Variants in FAM227A observed in about 807,000 individuals in gnomAD.
FAM227A encodes family with sequence similarity 227 member A.
A neutral mutation model predicts 74.7 loss-of-function variants in FAM227A; 80 were observed. The ratio of observed to expected loss-of-function variants is 1.07; its 90% CI spans 0.89 to 1.29. The LOEUF is 1.29. Among genes scored for constraint, FAM227A ranks in the 50% most tolerant of loss-of-function variants. The pLI, the probability that FAM227A is intolerant of heterozygous loss-of-function variation, is 0.00. For missense variants in FAM227A, 654 were observed against 683.4 expected (o/e 0.96, Z 0.48); for synonymous variants, 237 against 241.8 (o/e 0.98, Z 0.19).
chr22:38,644,089 T>C (rs1159795026), intron 3 of FAM227A, among the ~76,000 whole-genome samples: 1 of 133,866 alleles, frequency 7.5e-6, no homozygotes, highest in Non-Finnish European at 1.5e-5. Context: ...GAGCTTGCAG[T>C]GAGCCGAGAT....
At chr22:38,593,777 G>T (rs896395110) in intron 15 of FAM227A, among the ~76,000 whole-genome samples, 1 of 152,076 alleles carries the variant, frequency 6.6e-6, no homozygotes, top group Non-Finnish European at 1.5e-5. Flanking sequence ...CGCAACTTCT[G>T]CCTCCCAGGC....
Position 38,599,773 on chromosome 22 carries a change from G to A in FAM227A, c.1370C>T (p.Thr457Met), listed in dbSNP as rs764401267. 87 of 1,551,056 alleles carry A rather than the reference G, an allele frequency of 5.6e-5. 2 individuals carry two copies. The highest frequency in any genetic ancestry group is 3.2e-4 in the South Asian group (27 of 83,980). Residue 457 changes from threonine to methionine, a missense_variant, in exon 14 of 17, where the codon ACG becomes ATG. Coordinates refer to ENST00000535113, the MANE Select transcript of FAM227A (RefSeq NM_001013647.2). ...NVLIVRREKT[T>M]STPDCTPTYT... Reference sequence around the variant, plus strand: ...ACAGTGACAAGGATATGGGGTGCTCGTGGTCTTTTCCCTTCTGACTATCAA... The same window carrying A: ...ACAGTGACAAGGATATGGGGTGCTCATGGTCTTTTCCCTTCTGACTATCAA...
chr22:38,622,235 C>A (rs1204234769), intron 10 of FAM227A, among the ~76,000 whole-genome samples: 1 of 152,372 alleles, frequency 6.6e-6, no homozygotes, highest in East Asian at 1.9e-4. Flanking sequence ...TATGGGGTAG[C>A]CCTGCTCTGC....
chr22:38,649,879 AGAAAG>A (rs143131237), intron 2 of FAM227A, 143 bp downstream of exon 2: 142,721 of 664,870 alleles, frequency 0.21, 9,598 homozygotes, highest in East Asian at 0.25. Context: ...AAAAAAAAAA[AGAAAG>A]AAAAGAAAAG....
At chr22:38,605,901 A>G (rs2091273041) in intron 12 of FAM227A, among the ~76,000 whole-genome samples, 1 of 152,234 alleles carries the variant, frequency 6.6e-6, no homozygotes, top group African/African-American at 2.4e-5. Context: ...CAAAAAAATA[A>G]TAAAGTTTAA....
chr22:38,599,253 G>A (rs2091118344), intron 14 of FAM227A, among the ~76,000 whole-genome samples: 1 of 152,006 alleles, frequency 6.6e-6, no homozygotes, highest in Non-Finnish European at 1.5e-5. Flanking sequence ...GAGCTACCAC[G>A]CCTGGCCAAC....
At chr22:38,633,951 G>A (rs2091957332) in intron 6 of FAM227A, among the ~76,000 whole-genome samples, 1 of 152,002 alleles carries the variant, frequency 6.6e-6, no homozygotes, top group Admixed American at 6.6e-5. Flanking sequence ...AGGTGTGGTG[G>A]CTCACACCTG....
At chr22:38,654,438 T>C (rs2092362416) in intron 1 of FAM227A, among the ~76,000 whole-genome samples, 1 of 151,990 alleles carries the variant, frequency 6.6e-6, no homozygotes, top group Non-Finnish European at 1.5e-5. Context: ...AGGTAGGAAG[T>C]GCCCAGACTG....
rs17826889 is a variant in FAM227A at position 38,583,115 on chromosome 22, C to G, written c.*3010G>C. 1 of 685,658 alleles carries G rather than the reference C, an allele frequency of 1.5e-6. No individual in the cohort carries two copies. Among genetic ancestry groups the G allele is most frequent in the African/African-American group, 1.8e-5 (1 of 55,250 alleles). The allele number at this position is 685,658 out of a possible 1,614,324, so 42.5% of individuals were successfully genotyped here. A position where few individuals can be genotyped will look rare whatever the true frequency, so the allele number is the denominator to read the frequency against. ...GAGAGAGTGTTCTGCTTATCTGCCC[C>G]ACATGGTGCCTTGTACTCGGCAGGT... On this transcript the variant is annotated 3_prime_UTR_variant, in exon 17 of 17. Coordinates refer to ENST00000535113, the MANE Select transcript of FAM227A (RefSeq NM_001013647.2).
chr22:38,592,197 T>G (rs1198067623), intron 15 of FAM227A, among the ~76,000 whole-genome samples: 2 of 152,054 alleles, frequency 1.3e-5, no homozygotes, highest in Non-Finnish European at 2.9e-5. Context: ...TCCGCCCACC[T>G]CGGCCTCCCC....
chr22:38,586,176 C>G lies in FAM227A; in HGVS notation c.1662G>C (p.Lys554Asn). Residue 554 changes from lysine (K) to asparagine (N), a missense_variant, in exon 17 of 17, where the codon AAG (lysine) becomes AAC (asparagine). Lys to Asn is a moderately conservative substitution (Grantham distance 94, BLOSUM62 0). Transcript: ENST00000535113. ...KTKEGKGGEG[K>N]RRETEVEHFF... ...AATGTTCAACTTCTGTTTCTCTTCT[C>G]TTTCCCTCTCCTCCTTTCCCCTCCT... 1.3e-6 allele frequency: 2 copies of G among 1,551,806 alleles called. No individual in the cohort carries two copies. Among genetic ancestry groups the G allele is most frequent in the Non-Finnish European group, 8.7e-7 (1 of 1,147,008 alleles).
At position 38,650,218 on chromosome 22, in the gene FAM227A, C is replaced by G; in HGVS notation, c.-50G>C. 1.4e-5 allele frequency: 21 copies of G among 1,522,678 alleles called. No homozygotes were observed. The highest frequency in any genetic ancestry group is 1.9e-5 in the Non-Finnish European group (21 of 1,123,324). 94.3% of individuals were successfully genotyped at this position (1,522,678 alleles called of 1,614,324 possible). A position where few individuals can be genotyped will look rare whatever the true frequency, so the allele number is the denominator to read the frequency against. On this transcript the variant is annotated 5_prime_UTR_variant, in exon 2 of 17. Coordinates refer to ENST00000535113, the MANE Select transcript of FAM227A (RefSeq NM_001013647.2). ...AACAAAAAGCTTCCACTTTTAAGAG[C>G]CTCTCATTTCCCACTCCAATCTTGT...
At chr22:38,588,479 C>T (rs368968478) in intron 16 of FAM227A, among the ~76,000 whole-genome samples, 7 of 150,850 alleles carry the variant, frequency 4.6e-5, no homozygotes, top group African/African-American at 1.5e-4. Flanking sequence ...ATTAGCCGGG[C>T]GTGGTGGTGC....
Position 38,597,375 on chromosome 22 carries a change from G to A in FAM227A, c.1380-19C>T. 1 of 1,551,388 alleles carries A rather than the reference G, an allele frequency of 6.4e-7. No homozygotes were observed. The highest frequency in any genetic ancestry group is 1.2e-5 in the South Asian group (1 of 84,044). ...GCAGTCAGTGGCTTCCGCTGTCAAG[G>A]AAATCCCCGTACTGTGGAACTGTGT... On this transcript the variant is annotated intron_variant, in intron 14 of 16. Coordinates refer to ENST00000535113, the MANE Select transcript of FAM227A (RefSeq NM_001013647.2).
intron 11 of FAM227A, among the ~76,000 whole-genome samples, chr22:38,611,927 C>T (rs2091421158): frequency 6.6e-6 from 1 of 152,178 alleles, no homozygotes; most frequent in Non-Finnish European, 1.5e-5. Context: ...AAACCCTACG[C>T]TGTCCATCTC....
rs1161577286 is a variant in FAM227A, at chr22:38,579,123, C to T, written c.*7002G>A. 1 of 152,164 alleles carries T rather than the reference C, an allele frequency of 6.6e-6. No homozygotes were observed. The highest frequency in any genetic ancestry group is 1.5e-5 in the Non-Finnish European group (1 of 68,040). 9.4% of individuals were successfully genotyped at this position (152,164 alleles called of 1,614,324 possible). On this transcript the variant is annotated 3_prime_UTR_variant, in exon 17 of 17. Coordinates refer to ENST00000535113, the MANE Select transcript of FAM227A (RefSeq NM_001013647.2). The stretch of plus-strand genomic sequence containing the variant: ...CCACTATATGGCAGGCTTGTATATT[C>T]ATATCTTGACTTTATTTTCCTGTCA...
chr22:38,649,785 T>C (rs1298693237), intron 2 of FAM227A, among the ~76,000 whole-genome samples: 1 of 150,728 alleles, frequency 6.6e-6, no homozygotes, highest in Non-Finnish European at 1.5e-5. Context: ...GGAGAACTGC[T>C]CGAACCTGGG....
In FAM227A at chr22:38,650,204, T is replaced by C; in HGVS notation, c.-36A>G. ...CTTGTAAATGGACAAACAAAAAGCT[T>C]CCACTTTTAAGAGCCTCTCATTTCC... On this transcript the variant is annotated 5_prime_UTR_variant, in exon 2 of 17. Coordinates refer to ENST00000535113, the MANE Select transcript of FAM227A (RefSeq NM_001013647.2). 6.5e-7 allele frequency: 1 copy of C among 1,548,454 alleles called. No individual in the cohort carries two copies. The highest frequency in any genetic ancestry group is 2.4e-5 in the East Asian group (1 of 40,886).
At position 38,580,507 on chromosome 22, in the gene FAM227A, G is replaced by A. The variant is rs1454729287; in HGVS notation, c.*5618C>T. The A allele has an allele frequency of 6.6e-6, 1 of 151,896 alleles. No individual in the cohort carries two copies. Among genetic ancestry groups the A allele is most frequent in the African/African-American group, 2.4e-5 (1 of 41,200 alleles). The allele number at this position is 151,896 out of a possible 1,614,324, so 9.4% of individuals were successfully genotyped here. Reference sequence around the variant, plus strand: ...GTCTAGTATCAAAAGGCATTTAATAGCTGTTTGTCTTTTGTGATGTAAGCA... The same window carrying A: ...GTCTAGTATCAAAAGGCATTTAATAACTGTTTGTCTTTTGTGATGTAAGCA... On this transcript the variant is annotated 3_prime_UTR_variant, in exon 17 of 17. Coordinates refer to ENST00000535113, the MANE Select transcript of FAM227A (RefSeq NM_001013647.2).
Sources: allele counts gnomAD v4.1 joint callset (sites outside exome capture counted in the v4.1 genomes callset), GRCh38; gene constraint gnomAD v4.1.1; transcripts MANE v1.5; gene names NCBI Gene and HGNC (gene_info 2026-07-23, HGNC 2026-07-21).